Variants in SIPA1L1 observed in about 807,000 individuals in gnomAD.
SIPA1L1 encodes signal-induced proliferation-associated 1-like protein 1.
A neutral mutation model predicts 162.7 loss-of-function variants in SIPA1L1; 26 were observed. The observed-to-expected ratio is 0.16, with a 90% CI of 0.12 to 0.22. The LOEUF (loss-of-function observed/expected upper bound fraction) is 0.22, where lower values mean the gene tolerates loss of function less well. Ranked by LOEUF, SIPA1L1 falls within the 10% of genes least tolerant of loss-of-function variation. SIPA1L1 has a pLI of 1.00. For missense variants in SIPA1L1, 1,874 were observed against 2,241.0 expected (o/e 0.84, Z 3.31); for synonymous variants, 829 against 837.4 (o/e 0.99, Z 0.17).
intron 4 of SIPA1L1, among the ~76,000 whole-genome samples, chr14:71,545,200 T>C (rs2055072978): frequency 6.6e-6 from 1 of 152,162 alleles, no homozygotes; most frequent in Non-Finnish European, 1.5e-5. Context: ...TATAGATCCT[T>C]TGAATATCCC....
chr14:71,553,605 A>G (rs2056074980), intron 4 of SIPA1L1, among the ~76,000 whole-genome samples: 1 of 152,200 alleles, frequency 6.6e-6, no homozygotes, highest in Admixed American at 6.5e-5. Context: ...TATAATTTGA[A>G]CAGACCTGTG....
intron 2 of SIPA1L1, among the ~76,000 whole-genome samples, chr14:71,370,687 G>A (rs376821469): frequency 3.3e-5 from 5 of 152,130 alleles, no homozygotes; most frequent in African/African-American, 4.8e-5. Context: ...AAGTTGAAGC[G>A]TTTAGAAATG....
intron 2 of SIPA1L1, among the ~76,000 whole-genome samples, chr14:71,322,891 A>G (rs2033261783): frequency 6.6e-6 from 1 of 152,230 alleles, no homozygotes; most frequent in Non-Finnish European, 1.5e-5. Context: ...CTCGAGTTTG[A>G]AATTGCAATT....
At chr14:71,505,723 T>C (rs2050608753) in intron 2 of SIPA1L1, among the ~76,000 whole-genome samples, 1 of 152,158 alleles carries the variant, frequency 6.6e-6, no homozygotes, top group African/African-American at 2.4e-5. Flanking sequence ...TTTAAAACTT[T>C]TTGAGCACCA....
At chr14:71,731,057 G>T (rs1272607679) in intron 20 of SIPA1L1, among the ~76,000 whole-genome samples, 3 of 152,264 alleles carry the variant, frequency 2.0e-5, no homozygotes, top group Non-Finnish European at 4.4e-5. Flanking sequence ...TGGATGCACT[G>T]CTGTCACCCT....
At chr14:71,686,051 G>A (rs745497800) in intron 13 of SIPA1L1, among the ~76,000 whole-genome samples, 7 of 152,138 alleles carry the variant, frequency 4.6e-5, no homozygotes, top group Non-Finnish European at 7.4e-5. Context: ...AACTATGTTT[G>A]TGTCACTTTA....
intron 2 of SIPA1L1, among the ~76,000 whole-genome samples, chr14:71,323,590 C>T (rs2033410292): frequency 2.0e-5 from 3 of 152,144 alleles, no homozygotes; most frequent in African/African-American, 7.2e-5. Flanking sequence ...GACAAATAGA[C>T]TCATTCCCAT....
intron 2 of SIPA1L1, among the ~76,000 whole-genome samples, chr14:71,409,793 CTG>C (rs2042279078): frequency 2.0e-5 from 3 of 152,164 alleles, no homozygotes; most frequent in Admixed American, 6.5e-5. Flanking sequence ...AAAGTGTTAT[CTG>C]TAGTGTTCTT....
At chr14:71,561,069 T>A (rs2056749767) in intron 4 of SIPA1L1, among the ~76,000 whole-genome samples, 1 of 152,246 alleles carries the variant, frequency 6.6e-6, no homozygotes, top group African/African-American at 2.4e-5. Context: ...GAGTTCTTTT[T>A]AGTAGCTCTC....
intron 2 of SIPA1L1, among the ~76,000 whole-genome samples, chr14:71,443,490 G>T (rs2045087771): frequency 6.6e-6 from 1 of 152,056 alleles, no homozygotes; most frequent in Admixed American, 6.5e-5. Context: ...AATGAAATTG[G>T]TTTTCAAATG....
At chr14:71,378,182 G>A (rs1220629815) in intron 2 of SIPA1L1, among the ~76,000 whole-genome samples, 1 of 151,790 alleles carries the variant, frequency 6.6e-6, no homozygotes, top group Non-Finnish European at 1.5e-5. Flanking sequence ...TCAGCTTTTG[G>A]CTGTGTTAAT....
At chr14:71,619,657 T>C (rs2039214362) in intron 6 of SIPA1L1, among the ~76,000 whole-genome samples, 1 of 152,208 alleles carries the variant, frequency 6.6e-6, no homozygotes, top group African/African-American at 2.4e-5. Flanking sequence ...CAGTTGCTAA[T>C]TCACTTTAGG....
chr14:71,416,539 T>C (rs756052111), intron 2 of SIPA1L1, among the ~76,000 whole-genome samples: 65 of 152,264 alleles, frequency 4.3e-4, no homozygotes, highest in Admixed American at 1.4e-3. Context: ...TCTTCTGTTA[T>C]ACATCCATTC....
chr14:71,703,191 CAGTT>C (rs1209398171), intron 15 of SIPA1L1, among the ~76,000 whole-genome samples: 11 of 152,220 alleles, frequency 7.2e-5, no homozygotes, highest in Non-Finnish European at 1.3e-4. Context: ...GGTACCAACA[CAGTT>C]GGTGCATCAT....
chr14:71,515,695 A>T (rs1338355390), intron 3 of SIPA1L1, among the ~76,000 whole-genome samples: 1 of 151,974 alleles, frequency 6.6e-6, no homozygotes, highest in African/African-American at 2.4e-5. Context: ...CCCACGCTCT[A>T]CTGCAGTGGC....
intron 4 of SIPA1L1, among the ~76,000 whole-genome samples, chr14:71,564,490 C>CTTTTTTTTTTTTTTTTTTT (rs370431365): frequency 3.1e-5 from 3 of 97,772 alleles, no homozygotes; most frequent in African/African-American, 4.1e-5. Flanking sequence ...CATTTTCTTT[C>CTTTTTTTTTTTTTTTTTTT]TTTTTTTTTT....
At chr14:71,630,886 T>C (rs1345177586) in intron 7 of SIPA1L1, among the ~76,000 whole-genome samples, 1 of 151,460 alleles carries the variant, frequency 6.6e-6, no homozygotes, top group Non-Finnish European at 1.5e-5. Context: ...TATACATATA[T>C]ATATACTTTA....
intron 7 of SIPA1L1, among the ~76,000 whole-genome samples, chr14:71,648,764 T>C (rs2042382169): frequency 3.3e-5 from 5 of 152,250 alleles, no homozygotes; most frequent in Non-Finnish European, 7.3e-5. Flanking sequence ...ACCTTTCAAC[T>C]TCAGAATTGC....
chr14:71,518,750 G>C (rs2051995973), intron 3 of SIPA1L1, among the ~76,000 whole-genome samples: 1 of 151,994 alleles, frequency 6.6e-6, no homozygotes. Context: ...GCACCAGCCT[G>C]GGCAACATGG....
Sources: gnomAD v4.1 joint callset for allele counts (sites outside exome capture counted in the v4.1 genomes callset) on GRCh38, gnomAD v4.1.1 for gene constraint, MANE v1.5 for transcripts, NCBI Gene and HGNC (gene_info 2026-07-23, HGNC 2026-07-21) for gene names.